The following GABRA3 variants were observed in gnomAD, a reference collection of about 807,000 sequenced individuals.
GABRA3 encodes the protein gamma-aminobutyric acid type A receptor subunit alpha3.
A neutral mutation model predicts 30.1 loss-of-function variants in GABRA3; 10 were observed. The ratio of observed to expected loss-of-function variants is 0.33; its 90% CI spans 0.20 to 0.56. The LOEUF (loss-of-function observed/expected upper bound fraction) is 0.56. Among genes scored for constraint, GABRA3 ranks in the 20% least tolerant of loss-of-function variants. The probability of loss-of-function intolerance (pLI) is 0.89; values close to 1 mark genes in which losing one functional copy is unlikely to be tolerated. For synonymous variants in GABRA3, 151 were observed against 146.8 expected (o/e 1.03, Z -0.21); for missense variants, 233 against 392.0 (o/e 0.59, Z 3.42).
At chrX:152,263,964 G>T (rs749521724) in intron 4 of GABRA3, among the ~76,000 whole-genome samples, 3 of 111,486 alleles carry the variant, frequency 2.7e-5, no homozygotes, top group East Asian at 5.7e-4. Context: ...TTTTACCCTA[G>T]AATAGTAAAT....
intron 1 of GABRA3, among the ~76,000 whole-genome samples, chrX:152,430,125 A>T (rs1309787505): frequency 8.9e-6 from 1 of 112,100 alleles, no homozygotes; most frequent in East Asian, 2.8e-4. Context: ...CCCCTCTCTC[A>T]GCTTCAAACA....
chrX:152,248,569 T>G (rs754378695), intron 5 of GABRA3, among the ~76,000 whole-genome samples: 2 of 111,887 alleles, frequency 1.8e-5, no homozygotes, highest in African/African-American at 3.2e-5. Flanking sequence ...GAACACCTGC[T>G]TTGAAATTTA....
chrX:152,404,761 T>G (rs1929886231), intron 1 of GABRA3, among the ~76,000 whole-genome samples: 1 of 102,874 alleles, frequency 9.7e-6, no homozygotes, highest in Non-Finnish European at 2.0e-5. Flanking sequence ...TTATTATTAT[T>G]ATTATTATTA....
Position 152,327,670 on chromosome X carries a change from C to T in GABRA3, c.262+17911G>A, listed in dbSNP as rs988276583. Among the ~76,000 whole-genome samples the T allele has an allele frequency of 2.7e-5, 3 of 111,931 alleles. No homozygotes were observed. In the South Asian group the frequency reaches 1.1e-3, roughly 42 times the overall value. ...GAAACCAATGAGAACAAAGACACAA[C>T]ATACCAGAATCTCTGGGACACATTT... On this transcript the variant is annotated intron_variant, in intron 3 of 9. Coordinates refer to ENST00000370314, the MANE Select transcript of GABRA3 (RefSeq NM_000808.4).
intron 4 of GABRA3, among the ~76,000 whole-genome samples, chrX:152,267,944 T>A (rs1188060532): frequency 9.0e-6 from 1 of 111,239 alleles, no homozygotes; most frequent in Non-Finnish European, 1.9e-5. Flanking sequence ...AAAACAAGTT[T>A]TTTCATTGAT....
intron 1 of GABRA3, chrX:152,394,418 C>A (rs368767529): frequency 2.3e-4 from 87 of 385,598 alleles, no homozygotes; most frequent in Non-Finnish European, 4.1e-4. Context: ...AAAGTAGACA[C>A]CATAGCACAT....
chrX:152,350,889 G>A (rs1006258987), intron 2 of GABRA3, among the ~76,000 whole-genome samples: 5 of 112,173 alleles, frequency 4.5e-5, no homozygotes, highest in Non-Finnish European at 7.5e-5. Flanking sequence ...TTGTAAGGAT[G>A]AAAACAACAT....
chrX:152,303,371 TA>T (rs1939665979), intron 3 of GABRA3, among the ~76,000 whole-genome samples: 1 of 111,788 alleles, frequency 8.9e-6, no homozygotes, highest in Non-Finnish European at 1.9e-5. Context: ...GTTGGGAGTG[TA>T]AATTAGTTCA....
intron 6 of GABRA3, among the ~76,000 whole-genome samples, chrX:152,215,177 GA>G (rs1937697559): frequency 9.2e-6 from 1 of 108,252 alleles, no homozygotes; most frequent in East Asian, 2.9e-4. Context: ...GTACCTCTAG[GA>G]CTTCTCACCA....
chrX:152,445,261 G>GT (rs1931059599), intron 1 of GABRA3, among the ~76,000 whole-genome samples: 1 of 109,411 alleles, frequency 9.1e-6, no homozygotes, highest in Non-Finnish European at 1.9e-5. Flanking sequence ...TTACCAACTA[G>GT]TATTTCCCTT....
chrX:152,410,448 T>C (rs1300897625), intron 1 of GABRA3, among the ~76,000 whole-genome samples: 1 of 111,571 alleles, frequency 9.0e-6, no homozygotes, highest in African/African-American at 3.3e-5. Flanking sequence ...TCAATAGACA[T>C]TGTATGCCTG....
At chrX:152,196,995 T>C (rs1009726600) in intron 8 of GABRA3, among the ~76,000 whole-genome samples, 4 of 112,227 alleles carry the variant, frequency 3.6e-5, no homozygotes, top group Non-Finnish European at 7.5e-5. Context: ...GCCAGTTTAG[T>C]AGCTGAAAAA....
chrX:152,252,673 G>T (rs1189563303), intron 5 of GABRA3, among the ~76,000 whole-genome samples: 3 of 111,505 alleles, frequency 2.7e-5, no homozygotes, highest in Non-Finnish European at 5.7e-5. Context: ...GTCAAGATGG[G>T]TTAGATTAAT....
At chrX:152,235,678 C>A (rs1445231788) in intron 5 of GABRA3, among the ~76,000 whole-genome samples, 1 of 111,361 alleles carries the variant, frequency 9.0e-6, no homozygotes, top group African/African-American at 3.3e-5. Flanking sequence ...GATGAAAGAT[C>A]TGTACACTAA....
intron 3 of GABRA3, among the ~76,000 whole-genome samples, chrX:152,327,715 C>A (rs1378477181): frequency 6.3e-5 from 7 of 111,076 alleles, no homozygotes; most frequent in African/African-American, 9.8e-5. Flanking sequence ...TGTAGAGGGA[C>A]ATTTATAGCA....
chrX:152,363,961 GA>G (rs772034720), intron 2 of GABRA3, among the ~76,000 whole-genome samples: 1 of 111,221 alleles, frequency 9.0e-6, no homozygotes, highest in African/African-American at 3.3e-5. Flanking sequence ...GCAAGTGAAT[GA>G]AAGGGTGAGA....
At chrX:152,368,656 G>T (rs1183733172) in intron 1 of GABRA3, among the ~76,000 whole-genome samples, 1 of 106,916 alleles carries the variant, frequency 9.4e-6, no homozygotes, top group Non-Finnish European at 1.9e-5. Flanking sequence ...TATATAACCA[G>T]TAGTGAGATT....
chrX:152,415,690 G>A (rs142182504), intron 1 of GABRA3, among the ~76,000 whole-genome samples: 247 of 111,187 alleles, frequency 2.2e-3, no homozygotes, highest in African/African-American at 7.1e-3. Context: ...TTGTACTACC[G>A]TCATTATCAG....
chrX:152,340,071 CTGTT>C (rs1940292495), intron 3 of GABRA3, among the ~76,000 whole-genome samples: 1 of 111,818 alleles, frequency 8.9e-6, no homozygotes, highest in East Asian at 2.8e-4. Flanking sequence ...TATTTGTTTT[CTGTT>C]TGTTTCTTCT....
Sources: allele counts gnomAD v4.1 joint callset (sites outside exome capture counted in the v4.1 genomes callset), GRCh38; gene constraint gnomAD v4.1.1; transcripts MANE v1.5; gene names NCBI Gene and HGNC (gene_info 2026-07-23, HGNC 2026-07-21).